The following PLCB4 variants were observed in gnomAD, a reference collection of about 807,000 sequenced individuals.
The protein encoded by PLCB4 is phospholipase C beta 4, also known as 1-phosphatidylinositol 4,5-bisphosphate phosphodiesterase beta-4.
In PLCB4, 77 loss-of-function variants were observed where a neutral mutation model predicts 178.8. The observed-to-expected ratio is 0.43, with a 90% CI of 0.36 to 0.52. The LOEUF (loss-of-function observed/expected upper bound fraction) is 0.52, where lower values mean the gene tolerates loss of function less well. Among genes scored for constraint, PLCB4 ranks in the 20% least tolerant of loss-of-function variants. PLCB4 has a pLI of 0.00. For synonymous variants in PLCB4, 496 were observed against 490.8 expected (o/e 1.01, Z -0.14); for missense variants, 1,024 against 1,453.4 (o/e 0.70, Z 4.80).
intron 3 of PLCB4, among the ~76,000 whole-genome samples, chr20:9,251,650 C>A (rs2094181679): frequency 6.6e-6 from 1 of 152,160 alleles, no homozygotes; most frequent in Admixed American, 6.6e-5. Context: ...TTTTTACTAA[C>A]TTCTTGCTCA....
intron 2 of PLCB4, among the ~76,000 whole-genome samples, chr20:9,209,537 G>A (rs957187905): frequency 5.9e-5 from 9 of 152,156 alleles, no homozygotes; most frequent in African/African-American, 1.2e-4. Context: ...TGGAGAGACC[G>A]ATTCAGAGAG....
At chr20:9,072,402 T>A (rs939142890) in intron 1 of PLCB4, among the ~76,000 whole-genome samples, 1 of 151,978 alleles carries the variant, frequency 6.6e-6, no homozygotes, top group Non-Finnish European at 1.5e-5. Context: ...GTAATATTAT[T>A]TATCTAGTTA....
At chr20:9,100,607 G>A (rs2091107800) in intron 2 of PLCB4, among the ~76,000 whole-genome samples, 1 of 152,168 alleles carries the variant, frequency 6.6e-6, no homozygotes, top group Non-Finnish European at 1.5e-5. Flanking sequence ...CATGGATTTA[G>A]TAATGGAGCA....
chr20:9,072,793 G>GA (rs1158503171), intron 1 of PLCB4, among the ~76,000 whole-genome samples: 1 of 152,138 alleles, frequency 6.6e-6, no homozygotes, highest in Non-Finnish European at 1.5e-5. Context: ...TCTCAGCTAG[G>GA]AGATCCTTAT....
intron 2 of PLCB4, among the ~76,000 whole-genome samples, chr20:9,214,110 A>G (rs2093702298): frequency 6.6e-6 from 1 of 152,130 alleles, no homozygotes; most frequent in Non-Finnish European, 1.5e-5. Context: ...AAAGTTTTTA[A>G]AGAGGTTCGA....
intron 7 of PLCB4, among the ~76,000 whole-genome samples, chr20:9,361,594 C>T (rs1254346480): frequency 6.6e-6 from 1 of 152,126 alleles, no homozygotes; most frequent in Non-Finnish European, 1.5e-5. Flanking sequence ...AATGTACTTA[C>T]TGCCACTGAA....
intron 4 of PLCB4, among the ~76,000 whole-genome samples, chr20:9,335,393 A>T (rs2032312703): frequency 6.6e-6 from 1 of 152,168 alleles, no homozygotes; most frequent in Non-Finnish European, 1.5e-5. Context: ...TGTGAGGTCA[A>T]TAGCTGCTCA....
intron 3 of PLCB4, among the ~76,000 whole-genome samples, chr20:9,272,203 G>A (rs2094410496): frequency 6.6e-6 from 1 of 151,562 alleles, no homozygotes; most frequent in South Asian, 2.1e-4. Context: ...AAAAAAAAGA[G>A]AGAAAGAAAA....
intron 28 of PLCB4, among the ~76,000 whole-genome samples, chr20:9,425,739 GC>G (rs2040955082): frequency 6.6e-6 from 1 of 152,182 alleles, no homozygotes. Flanking sequence ...TGCAGTCGAT[GC>G]CTTAACCAGA....
chr20:9,386,036 C>A (rs1327144712), intron 14 of PLCB4, among the ~76,000 whole-genome samples: 1 of 152,168 alleles, frequency 6.6e-6, no homozygotes, highest in Non-Finnish European at 1.5e-5. Flanking sequence ...GCAGACCACT[C>A]GAGGTCAGGA....
At chr20:9,477,558 T>A (rs575139031) in intron 39 of PLCB4, among the ~76,000 whole-genome samples, 2 of 151,874 alleles carry the variant, frequency 1.3e-5, no homozygotes, top group African/African-American at 4.8e-5. Flanking sequence ...TGATAATGTT[T>A]CACTGTCATC....
Position 9,106,536 on chromosome 20 carries a change from CAT to C in PLCB4, c.-79+10195_-79+10196del, listed in dbSNP as rs2091370184. On this transcript the variant is annotated intron_variant, in intron 2 of 39. Transcript: ENST00000378473. ...GGAATAAAATATCAAATATGACACA[CAT>C]GCACACACACACACACACACACAAA... Among the ~76,000 whole-genome samples, 3 of 151,072 alleles carry C rather than the reference CAT, an allele frequency of 2.0e-5. No homozygotes were observed. In the East Asian group the frequency reaches 5.8e-4, roughly 29 times the overall value.
At chr20:9,164,691 G>A (rs986640149) in intron 2 of PLCB4, among the ~76,000 whole-genome samples, 3 of 152,150 alleles carry the variant, frequency 2.0e-5, no homozygotes, top group Non-Finnish European at 4.4e-5. Context: ...TAGTCAAGTG[G>A]ATGAATATAT....
chr20:9,229,248 G>A (rs144130059), intron 3 of PLCB4, among the ~76,000 whole-genome samples: 2 of 152,252 alleles, frequency 1.3e-5, no homozygotes, highest in South Asian at 2.1e-4. Flanking sequence ...CCCTACGGGC[G>A]TGGAAGGACT....
At chr20:9,193,535 T>G (rs551082622) in intron 2 of PLCB4, among the ~76,000 whole-genome samples, 1 of 152,172 alleles carries the variant, frequency 6.6e-6, no homozygotes, top group Admixed American at 6.5e-5. Flanking sequence ...GAAAGCTGTA[T>G]GTGAATATTA....
chr20:9,219,143 A>T (rs986231418), intron 3 of PLCB4, among the ~76,000 whole-genome samples: 1 of 152,212 alleles, frequency 6.6e-6, no homozygotes, highest in Non-Finnish European at 1.5e-5. Flanking sequence ...AAATTCCTCT[A>T]CATTAAGGAG....
chr20:9,261,101 T>G (rs1569034065), intron 3 of PLCB4, among the ~76,000 whole-genome samples: 1 of 152,148 alleles, frequency 6.6e-6, no homozygotes, highest in Non-Finnish European at 1.5e-5. Context: ...CTTCCTCCAG[T>G]GTGCTTCATT....
At chr20:9,279,194 T>G (rs2147676176) in intron 3 of PLCB4, among the ~76,000 whole-genome samples, 1 of 152,202 alleles carries the variant, frequency 6.6e-6, no homozygotes, top group South Asian at 2.1e-4. Flanking sequence ...ACAGTTTGCT[T>G]GCCAATGTAT....
intron 1 of PLCB4, among the ~76,000 whole-genome samples, chr20:9,083,602 T>C (rs760615336): frequency 6.6e-6 from 1 of 152,190 alleles, no homozygotes; most frequent in Non-Finnish European, 1.5e-5. Context: ...TTTCATTCTC[T>C]CAGCAATTCT....
Sources: gnomAD v4.1 joint callset for allele counts (sites outside exome capture counted in the v4.1 genomes callset) on GRCh38, gnomAD v4.1.1 for gene constraint, MANE v1.5 for transcripts, NCBI Gene and HGNC (gene_info 2026-07-23, HGNC 2026-07-21) for gene names.